Variants in FGR observed in about 807,000 individuals in gnomAD.
The protein encoded by FGR is tyrosine-protein kinase Fgr.
Under a neutral mutation model 63.2 loss-of-function variants are expected in FGR, and 26 were observed. The observed-to-expected ratio is 0.41, with a 90% CI of 0.30 to 0.57. FGR has a LOEUF of 0.57. FGR is among the 20% of genes least tolerant of loss of function. The probability of loss-of-function intolerance (pLI) is 0.27; values close to 1 mark genes in which losing one functional copy is unlikely to be tolerated. For synonymous variants in FGR, 286 were observed against 277.7 expected, an observed-to-expected ratio of 1.03 and a Z score of -0.30; for missense variants, 511 against 690.8, an observed-to-expected ratio of 0.74 and a Z score of 2.92.
rs567390006 is a variant in FGR at position 27,614,400 on chromosome 1, G to A, written c.1249+30C>T. The A allele has an allele frequency of 2.6e-5, 41 of 1,601,700 alleles. No homozygotes were observed. The South Asian group carries it at 3.8e-4, about 15-fold the overall frequency. ...ATGGAAGTCCCTTGTTGCATGGGGA[G>A]CTCTTGGAAGGTGGGGTGAAGCAGG... On this transcript the variant is annotated intron_variant, in intron 11 of 12. Coordinates refer to ENST00000374005, the MANE Select transcript of FGR (RefSeq NM_005248.3).
Position 27,612,708 on chromosome 1 carries a change from A to G in FGR, c.*206T>C, listed in dbSNP as rs1482019442. 1 of 573,768 alleles carries G rather than the reference A, an allele frequency of 1.7e-6. No individual in the cohort carries two copies. The highest frequency in any genetic ancestry group is 3.1e-6 in the Non-Finnish European group (1 of 320,768). 35.5% of individuals were successfully genotyped at this position (573,768 alleles called of 1,614,324 possible). A position where few individuals can be genotyped will look rare whatever the true frequency, so the allele number is the denominator to read the frequency against. ...AAAGGAAGAAATAGTGCTTGGGGCC[A>G]GAGCGGATGAGAGATCAGCTCTGGG... On this transcript the variant is annotated 3_prime_UTR_variant, in exon 13 of 13. Transcript: ENST00000374005.
chr1:27,625,305 C>A (rs768504349), intron 1 of FGR, among the ~76,000 whole-genome samples, 154 bp from the exon 2 acceptor site: 2 of 152,172 alleles, frequency 1.3e-5, no homozygotes, highest in African/African-American at 2.4e-5. Flanking sequence ...ACCCCTGGCA[C>A]ACTTACACAA....
intron 11 of FGR, 39 bp downstream of exon 11, chr1:27,614,391 G>T (rs755547850): frequency 3.1e-6 from 5 of 1,596,526 alleles, no homozygotes; most frequent in Non-Finnish European, 4.3e-6. Context: ...GTCCCTTGTT[G>T]CATGGGGAGC....
chr1:27,624,112 C>T, intron 2 of FGR, 183 bp from the exon 3 acceptor site: 1 of 552,338 alleles, frequency 1.8e-6, no homozygotes, highest in Non-Finnish European at 3.2e-6. Flanking sequence ...GTTCAGTCTG[C>T]CTCACAGTAT....
rs1212334177 is a variant in FGR, at chr1:27,633,513, GGT to G, written c.-77+1550_-77+1551del. ...ACTATTTAGACGCCAACTGTGTGCT[GGT>G]CCCTGGAGGCCCTGTCAGTGAGAGC... On this transcript the variant is annotated intron_variant, in intron 1 of 12. Coordinates refer to ENST00000374005, the MANE Select transcript of FGR (RefSeq NM_005248.3). Among the ~76,000 whole-genome samples the G allele has an allele frequency of 8.5e-5, 13 of 152,316 alleles. 1 individual carries two copies. The Middle Eastern group carries it at 0.017, about 199-fold the overall frequency.
intron 2 of FGR, among the ~76,000 whole-genome samples, chr1:27,624,533 A>AG (rs1277570787): frequency 6.6e-6 from 1 of 152,022 alleles, no homozygotes; most frequent in Non-Finnish European, 1.5e-5. Context: ...GTCTCTAAGT[A>AG]TGGGTGAGTT....
chr1:27,633,232 C>T (rs906808046), intron 1 of FGR, among the ~76,000 whole-genome samples: 1 of 152,158 alleles, frequency 6.6e-6, no homozygotes, highest in African/African-American at 2.4e-5. Flanking sequence ...ACATCAGAGA[C>T]GAGATGTCCT....
intron 1 of FGR, among the ~76,000 whole-genome samples, chr1:27,628,464 C>G (rs1239809965): frequency 5.3e-5 from 8 of 151,666 alleles, no homozygotes; most frequent in Non-Finnish European, 1.2e-4. Context: ...TTCCTGCTAG[C>G]ATGCACAAAT....
At chr1:27,618,447 G>A (rs2089857319) in intron 5 of FGR, among the ~76,000 whole-genome samples, 2 of 152,116 alleles carry the variant, frequency 1.3e-5, no homozygotes, top group Admixed American at 1.3e-4. Context: ...GCTAGAACAG[G>A]AACCCAGGCT....
Position 27,617,083 on chromosome 1 carries a change from T to C in FGR, c.533-77A>G, listed in dbSNP as rs893125095. On this transcript the variant is annotated intron_variant, in intron 6 of 12. Transcript: ENST00000374005. The surrounding 1 kb of genome is among the most constrained non-coding windows in gnomAD (Gnocchi z 4.5). ...AGCTGGGAGAGGCCCGACAGCAGCATCCCTAGGACCTGGTCCCAGTCTTGG... is the reference window on the plus strand; with the variant it reads ...AGCTGGGAGAGGCCCGACAGCAGCACCCCTAGGACCTGGTCCCAGTCTTGG... The C allele has an allele frequency of 1.9e-6, 3 of 1,604,934 alleles. No homozygotes were observed. In the African/African-American group the frequency reaches 4.0e-5, roughly 21 times the overall value.
intron 1 of FGR, chr1:27,626,634 T>C (rs565247555): frequency 3.5e-4 from 55 of 155,030 alleles, no homozygotes; most frequent in Non-Finnish European, 6.6e-4. Context: ...TGTGGTGAAC[T>C]GTGGGGCGGG....
intron 9 of FGR, 70 bp from the exon 10 acceptor site, chr1:27,614,996 C>T: frequency 7.7e-7 from 1 of 1,290,470 alleles, no homozygotes; most frequent in Non-Finnish European, 1.1e-6. Context: ...TCTCGCTTGA[C>T]CCCGCCCCTC....
At position 27,617,255 on chromosome 1, in the gene FGR, T is replaced by A. The variant is rs1291837821; in HGVS notation, c.470A>T (p.Gln157Leu). ...GKIGRKDAER[Q>L]LLSPGNPQGA... ...CTGGGGGTTGCCTGGTGAAAGCAGC[T>A]GCCTCTCTGCATCCTTTCTCCCAAT... is the stretch of plus-strand genomic sequence containing the variant. Residue 157 changes from glutamine (Q) to leucine (L), a missense_variant, in exon 6 of 13, where the codon CAG (glutamine) becomes CTG (leucine). Physicochemically the swap from Gln to Leu is moderately radical, Grantham distance 113. Coordinates refer to ENST00000374005, the MANE Select transcript of FGR (RefSeq NM_005248.3). This position sits in a 1 kb window ranked among gnomAD's most constrained non-coding sequence, Gnocchi z 4.5. The A allele has an allele frequency of 6.2e-7, 1 of 1,614,194 alleles. No homozygotes were observed. Among genetic ancestry groups the A allele is most frequent in the Admixed American group, 1.7e-5 (1 of 60,032 alleles).
chr1:27,622,598 C>T (rs577996272), intron 4 of FGR, among the ~76,000 whole-genome samples: 78 of 152,024 alleles, frequency 5.1e-4, no homozygotes, highest in Non-Finnish European at 6.9e-4. Flanking sequence ...CTCTGCCTCC[C>T]GGGTTCAAGT....
Position 27,612,741 on chromosome 1 carries a change from T to A in FGR, c.*173A>T. Reference sequence around the variant, plus strand: ...TGAGAGATCAGCTCTGGGCCTCCTTTTGCCCCATCTGTAAAACAAGTAGGT... The same window carrying A: ...TGAGAGATCAGCTCTGGGCCTCCTTATGCCCCATCTGTAAAACAAGTAGGT... On this transcript the variant is annotated 3_prime_UTR_variant, in exon 13 of 13. Coordinates refer to ENST00000374005, the MANE Select transcript of FGR (RefSeq NM_005248.3). 1 of 617,000 alleles carries A rather than the reference T, an allele frequency of 1.6e-6. No individual in the cohort carries two copies. The highest frequency in any genetic ancestry group is 2.9e-6 in the Non-Finnish European group (1 of 350,832). 38.2% of individuals were successfully genotyped at this position (617,000 alleles called of 1,614,324 possible). A position where few individuals can be genotyped will look rare whatever the true frequency, so the allele number is the denominator to read the frequency against.
chr1:27,624,583 A>T (rs997408730), intron 2 of FGR, among the ~76,000 whole-genome samples: 2 of 151,746 alleles, frequency 1.3e-5, no homozygotes, highest in Non-Finnish European at 2.9e-5. Context: ...CTCTTTGTGG[A>T]TGTCTGTCTG....
Position 27,616,921 on chromosome 1 carries a change from G to A in FGR, c.618C>T (p.Gly206=), listed in dbSNP as rs561642004. Residue 206 remains glycine (G), a synonymous_variant, in exon 7 of 13, where the codon GGC becomes GGT. Transcript: ENST00000374005. This position sits in a 1 kb window ranked among gnomAD's most constrained non-coding sequence, Gnocchi z 4.3. ...KHYKIRKLDM[G]GYYITTRVQF... The stretch of plus-strand genomic sequence containing the variant: ...GAACCCGTGTGGTGATGTAGTAGCC[G>A]CCCATGTCCAGTTTGCGGATCTTGT... 50 of 1,614,160 alleles carry A rather than the reference G, an allele frequency of 3.1e-5. No individual in the cohort carries two copies. In the East Asian group the frequency reaches 5.3e-4, roughly 17 times the overall value.
rs74060729 is a variant in FGR, at chr1:27,617,340, C to T, written c.429-44G>A. Reference sequence around the variant, plus strand: ...AAGAGTCAGGTACGCTCTGCTCAAACCTCACCTCAGCCTCCTGCACAGTCA... The same window carrying T: ...AAGAGTCAGGTACGCTCTGCTCAAATCTCACCTCAGCCTCCTGCACAGTCA... On this transcript the variant is annotated intron_variant, in intron 5 of 12. Transcript: ENST00000374005. The surrounding 1 kb of genome is among the most constrained non-coding windows in gnomAD (Gnocchi z 4.5). 4,748 of 1,433,566 alleles carry T rather than the reference C, an allele frequency of 3.3e-3. 93 individuals are homozygous for T. The African/African-American group carries it at 0.052, about 16-fold the overall frequency. The allele number at this position is 1,433,566 out of a possible 1,614,324, so 88.8% of individuals were successfully genotyped here. A position where few individuals can be genotyped will look rare whatever the true frequency, so the allele number is the denominator to read the frequency against.
intron 4 of FGR, among the ~76,000 whole-genome samples, chr1:27,622,337 C>G (rs994815496): frequency 6.6e-6 from 1 of 150,936 alleles, no homozygotes; most frequent in Admixed American, 6.6e-5. Flanking sequence ...CTGCCTACCT[C>G]TCTAGCCTCT....
Sources: gnomAD v4.1 joint callset for allele counts (sites outside exome capture counted in the v4.1 genomes callset) on GRCh38, gnomAD v4.1.1 for gene constraint, Gnocchi (gnomAD v3.1) non-coding constraint, MANE v1.5 for transcripts, NCBI Gene and HGNC (gene_info 2026-07-23, HGNC 2026-07-21) for gene names.